PHACTR3: variants seen among roughly 807,000 people sequenced by gnomAD.
The protein encoded by PHACTR3 is phosphatase and actin regulator 3, also known as protein phosphatase 1, regulatory subunit 123.
PHACTR3 carries 16 observed loss-of-function variants against 66.8 expected under a neutral mutation model. The ratio of observed to expected loss-of-function variants is 0.24; its 90% CI spans 0.16 to 0.36. The LOEUF is 0.36. Ranked by LOEUF, PHACTR3 falls within the 10% of genes least tolerant of loss-of-function variation. The pLI is 1.00. For synonymous variants in PHACTR3, 323 were observed against 292.1 expected (o/e 1.11, Z -1.08); for missense variants, 647 against 719.9 (o/e 0.90, Z 1.16).
At chr20:59,731,868 C>G (rs1008849807) in intron 1 of PHACTR3, among the ~76,000 whole-genome samples, 18 of 152,150 alleles carry the variant, frequency 1.2e-4, no homozygotes, top group African/African-American at 4.3e-4. Context: ...CTTTGGAATA[C>G]AGATAGTGGA....
rs193063482 is a variant in PHACTR3, at chr20:59,620,607, G to A, written c.118+15475G>A. On this transcript the variant is annotated intron_variant, in intron 1 of 12. Coordinates refer to ENST00000371015, the MANE Select transcript of PHACTR3 (RefSeq NM_080672.5). The stretch of plus-strand genomic sequence containing the variant: ...CGTTTTTGGCACAAATCCCCCATAA[G>A]CGATGTCGCTGGAGATCCCTAGGTC... 8.5e-4 allele frequency among the ~76,000 whole-genome samples: 129 copies of A among 152,300 alleles called. 2 individuals carry two copies. Among genetic ancestry groups the A allele is most frequent in the Admixed American group, 2.5e-3 (39 of 15,310 alleles).
At chr20:59,805,895 C>A in intron 7 of PHACTR3, 146 bp from the exon 8 acceptor site, 2 of 830,602 alleles carry the variant, frequency 2.4e-6, no homozygotes, top group South Asian at 1.7e-5. Flanking sequence ...AGCTGGCGAG[C>A]GTGTGTCCTC....
intron 8 of PHACTR3, among the ~76,000 whole-genome samples, chr20:59,822,397 C>T (rs1015106452): frequency 3.3e-5 from 5 of 150,290 alleles, no homozygotes; most frequent in African/African-American, 1.2e-4. Flanking sequence ...CGGGGGCTGC[C>T]TTCCGAAGCT....
intron 1 of PHACTR3, among the ~76,000 whole-genome samples, chr20:59,688,265 A>G (rs892446556): frequency 6.6e-6 from 1 of 152,230 alleles, no homozygotes; most frequent in Non-Finnish European, 1.5e-5. Context: ...TGAAAGTGGT[A>G]CAAGACAAAT....
rs143992289 is a variant in PHACTR3 at position 59,653,741 on chromosome 20, T to C, written c.118+48609T>C. 3.3e-5 allele frequency among the ~76,000 whole-genome samples: 5 copies of C among 152,312 alleles called. No individual in the cohort carries two copies. The East Asian group carries it at 5.8e-4, about 18-fold the overall frequency. ...GAAAGAAAAGAGATAAGGTATAATA[T>C]TTTTTAAAGTTATCTGAAATCCTAA... On this transcript the variant is annotated intron_variant, in intron 1 of 12. Coordinates refer to ENST00000371015, the MANE Select transcript of PHACTR3 (RefSeq NM_080672.5).
intron 2 of PHACTR3, among the ~76,000 whole-genome samples, chr20:59,743,984 G>A (rs1044484781): frequency 3.9e-5 from 6 of 152,180 alleles, no homozygotes; most frequent in Non-Finnish European, 4.4e-5. Context: ...GGCTGGTCCC[G>A]TTGCCCCCGC....
intron 7 of PHACTR3, among the ~76,000 whole-genome samples, chr20:59,796,653 TC>T: frequency 6.6e-6 from 1 of 152,246 alleles, no homozygotes; most frequent in South Asian, 2.1e-4. Flanking sequence ...GAGATTTTTT[TC>T]CCCCTCTCTT....
chr20:59,595,365 G>A (rs1006146625), intron 1 of PHACTR3, among the ~76,000 whole-genome samples: 1 of 152,180 alleles, frequency 6.6e-6, no homozygotes, highest in Admixed American at 6.5e-5. Flanking sequence ...GGGCGGTTGA[G>A]GCAGGAGAAT....
intron 9 of PHACTR3, among the ~76,000 whole-genome samples, chr20:59,838,482 T>C (rs139652529): frequency 4.3e-4 from 65 of 152,208 alleles, no homozygotes; most frequent in African/African-American, 1.5e-3. Flanking sequence ...AGAGCAGGGG[T>C]CCCTTTATAT....
chr20:59,762,018 C>T lies in PHACTR3; in HGVS notation c.542-5168C>T, dbSNP rs958136616. On this transcript the variant is annotated intron_variant, in intron 4 of 12. Coordinates refer to ENST00000371015, the MANE Select transcript of PHACTR3 (RefSeq NM_080672.5). Reference sequence around the variant, plus strand: ...GTTTTGACAAGATTCCAAAATACAACGGTGGCTGCACACTCACGTGAGATG... The same window carrying T: ...GTTTTGACAAGATTCCAAAATACAATGGTGGCTGCACACTCACGTGAGATG... Among the ~76,000 whole-genome samples, 9 of 152,186 alleles carry T rather than the reference C, an allele frequency of 5.9e-5. 1 individual carries two copies. Among genetic ancestry groups the T allele is most frequent in the African/African-American group, 1.9e-4 (8 of 41,422 alleles).
chr20:59,692,370 C>A (rs1318188668), intron 1 of PHACTR3, among the ~76,000 whole-genome samples: 2 of 152,186 alleles, frequency 1.3e-5, no homozygotes, highest in Admixed American at 6.5e-5. Context: ...GAGTAACCAT[C>A]AACTTATAAA....
intron 1 of PHACTR3, among the ~76,000 whole-genome samples, chr20:59,654,042 G>C (rs2035540334): frequency 6.6e-6 from 1 of 152,134 alleles, no homozygotes; most frequent in Non-Finnish European, 1.5e-5. Flanking sequence ...CAAAAGAATT[G>C]AATGATTTTC....
Position 59,820,498 on chromosome 20 carries a change from C to A in PHACTR3, c.1328+14304C>A, listed in dbSNP as rs757005439. On this transcript the variant is annotated intron_variant, in intron 8 of 12. Transcript: ENST00000371015. The surrounding 1 kb of genome is among the most constrained non-coding windows in gnomAD (Gnocchi z 4.6). The stretch of plus-strand genomic sequence containing the variant: ...CAAGTTTAAACTGGCAAATCTCAGC[C>A]CCAGAGGATATAAATATGACGCTTC... Among the ~76,000 whole-genome samples, 1 of 152,144 alleles carries A rather than the reference C, an allele frequency of 6.6e-6. No homozygotes were observed. The highest frequency in any genetic ancestry group is 1.5e-5 in the Non-Finnish European group (1 of 68,036).
chr20:59,677,668 C>A (rs1414094650), intron 1 of PHACTR3, among the ~76,000 whole-genome samples: 1 of 152,160 alleles, frequency 6.6e-6, no homozygotes, highest in African/African-American at 2.4e-5. Flanking sequence ...TGCTAAAACC[C>A]CTTCCCTGAA....
chr20:59,714,976 G>A (rs1192856534), intron 1 of PHACTR3, among the ~76,000 whole-genome samples: 1 of 151,868 alleles, frequency 6.6e-6, no homozygotes, highest in East Asian at 1.9e-4. Flanking sequence ...CTAATTCTTT[G>A]GTTCTGGCAT....
chr20:59,677,288 A>T (rs928830738), intron 1 of PHACTR3, among the ~76,000 whole-genome samples: 13 of 152,162 alleles, frequency 8.5e-5, no homozygotes, highest in African/African-American at 2.7e-4. Flanking sequence ...TCAGGAACAT[A>T]TGCTCCACTA....
intron 8 of PHACTR3, among the ~76,000 whole-genome samples, chr20:59,834,074 C>T (rs1004965136): frequency 2.0e-5 from 3 of 152,180 alleles, no homozygotes; most frequent in African/African-American, 4.8e-5. Context: ...TAGGACTCCA[C>T]GTTTTACTTC....
chr20:59,625,443 C>G (rs6100530), intron 1 of PHACTR3, among the ~76,000 whole-genome samples: 4,181 of 152,210 alleles, frequency 0.027, 142 homozygotes, highest in Admixed American at 0.1. Flanking sequence ...CTTTCAGAAA[C>G]TGGAAGATCC....
intron 1 of PHACTR3, among the ~76,000 whole-genome samples, chr20:59,618,640 G>A (rs2034120427): frequency 6.6e-6 from 1 of 152,234 alleles, no homozygotes; most frequent in South Asian, 2.1e-4. Context: ...CACCTACGTG[G>A]TGTCTGGGCA....
Sources: gnomAD v4.1 joint callset for allele counts (sites outside exome capture counted in the v4.1 genomes callset) on GRCh38, gnomAD v4.1.1 for gene constraint, Gnocchi (gnomAD v3.1) non-coding constraint, MANE v1.5 for transcripts, NCBI Gene and HGNC (gene_info 2026-07-23, HGNC 2026-07-21) for gene names.